Variants in GFRA3 observed in about 807,000 individuals in gnomAD.
GFRA3 encodes GDNF family receptor alpha-3.
A neutral mutation model predicts 40.0 loss-of-function variants in GFRA3; 24 were observed. The observed-to-expected ratio is 0.60, with a 90% CI of 0.43 to 0.84. The LOEUF (loss-of-function observed/expected upper bound fraction) is 0.84. GFRA3 is among the 40% of genes least tolerant of loss of function. The probability of loss-of-function intolerance (pLI) is 0.00; values close to 1 mark genes in which losing one functional copy is unlikely to be tolerated. For missense variants in GFRA3, 405 were observed against 530.6 expected, an observed-to-expected ratio of 0.76 and a Z score of 2.33; for synonymous variants, 203 against 213.5, an observed-to-expected ratio of 0.95 and a Z score of 0.43.
intron 4 of GFRA3, among the ~76,000 whole-genome samples, chr5:138,255,883 G>C (rs1426124767): frequency 1.4e-5 from 2 of 138,492 alleles, no homozygotes; most frequent in African/African-American, 5.4e-5. Context: ...CTGGGTAACA[G>C]AGCAAGACTC....
rs759860244 is a variant in GFRA3 at position 138,274,360 on chromosome 5, G to GGCA, written c.62_64dup (p.Leu21dup). The GGCA allele has an allele frequency of 6.9e-5, 92 of 1,334,892 alleles. No homozygotes were observed. The highest frequency in any genetic ancestry group is 2.0e-4 in the Middle Eastern group (1 of 5,024). 82.7% of individuals were successfully genotyped at this position (1,334,892 alleles called of 1,614,324 possible). ...GGCTGCGAGAGGCAGCGGCGACGGC[G>GGCA]GCAGCAGCAGCAGCAACATCAGGAC... is the stretch of plus-strand genomic sequence containing the variant. On this transcript the variant is annotated inframe_insertion, in exon 1 of 8. Transcript: ENST00000274721.
chr5:138,261,616 C>G (rs1755711188), intron 2 of GFRA3, among the ~76,000 whole-genome samples: 2 of 149,308 alleles, frequency 1.3e-5, no homozygotes, highest in South Asian at 4.3e-4. Flanking sequence ...ATCGCTTGAA[C>G]CCGGGAGGCA....
At chr5:138,260,637 C>T (rs1056938791) in intron 2 of GFRA3, among the ~76,000 whole-genome samples, 9 of 152,176 alleles carry the variant, frequency 5.9e-5, no homozygotes, top group East Asian at 1.9e-4. Flanking sequence ...GGCATGGTGG[C>T]GCATGCCTGT....
chr5:138,258,677 G>A (rs1755670236), intron 3 of GFRA3, among the ~76,000 whole-genome samples: 1 of 152,088 alleles, frequency 6.6e-6, no homozygotes, highest in Non-Finnish European at 1.5e-5. Context: ...AGCACTTTCA[G>A]AACTGTCCAA....
At chr5:138,253,555 C>G (rs749086170) in intron 6 of GFRA3, among the ~76,000 whole-genome samples, 180 bp from the exon 7 acceptor site, 1 of 152,120 alleles carries the variant, frequency 6.6e-6, no homozygotes, top group Non-Finnish European at 1.5e-5. Context: ...TCCCTGGGTT[C>G]CAGACAGGTT....
intron 1 of GFRA3, among the ~76,000 whole-genome samples, chr5:138,265,137 G>C (rs1755764906): frequency 6.6e-6 from 1 of 151,352 alleles, no homozygotes; most frequent in Non-Finnish European, 1.5e-5. Flanking sequence ...CTAGGATTTA[G>C]GGTGCTCAAC....
chr5:138,256,565 A>ACAAACAAAAAAAAAC (rs1561649255), intron 4 of GFRA3, among the ~76,000 whole-genome samples: 1 of 147,022 alleles, frequency 6.8e-6, no homozygotes, highest in African/African-American at 2.5e-5. Flanking sequence ...AAAAAAAAAA[A>ACAAACAAAAAAAAAC]CAAAACAAAA....
At chr5:138,267,949 A>G (rs994705238) in intron 1 of GFRA3, among the ~76,000 whole-genome samples, 1 of 152,210 alleles carries the variant, frequency 6.6e-6, no homozygotes, top group Non-Finnish European at 1.5e-5. Flanking sequence ...TAGGAGAATG[A>G]AACTGGGTCC....
chr5:138,264,617 G>A, intron 1 of GFRA3, 69 bp from the exon 2 acceptor site: 2 of 1,028,138 alleles, frequency 1.9e-6, no homozygotes, highest in East Asian at 2.4e-5. Flanking sequence ...CAAGTCATGA[G>A]GTTGGGAGAG....
chr5:138,267,093 T>C (rs1468939148), intron 1 of GFRA3: 1 of 189,908 alleles, frequency 5.3e-6, no homozygotes, highest in Non-Finnish European at 1.1e-5. Context: ...ACCACATTCA[T>C]CTGAAGGGTA....
Position 138,274,418 on chromosome 5 carries a change from G to A in GFRA3, c.7C>T (p.Arg3Cys). The change falls in exon 1 of 8, where the codon CGC becomes TGC. Residue 3 changes from arginine (R) to cysteine (C), a missense_variant. Coordinates refer to ENST00000274721, the MANE Select transcript of GFRA3 (RefSeq NM_001496.4). MV[R>C]PLNPRPLPPV... ...GGCAGCGGTCGCGGGTTCAGGGGGC[G>A]CACCATGGCGAGCTGTAGGCGCCGG... 1 of 1,308,092 alleles carries A rather than the reference G, an allele frequency of 7.6e-7. No homozygotes were observed. The highest frequency in any genetic ancestry group is 2.3e-5 in the South Asian group (1 of 43,326). The allele number at this position is 1,308,092 out of a possible 1,614,324, so 81.0% of individuals were successfully genotyped here.
chr5:138,269,689 A>G (rs1755838823), intron 1 of GFRA3, among the ~76,000 whole-genome samples: 1 of 151,350 alleles, frequency 6.6e-6, no homozygotes, highest in Admixed American at 6.6e-5. Flanking sequence ...TACAAATACA[A>G]AAAATTAGCT....
chr5:138,261,527 C>T (rs931367249), intron 2 of GFRA3, among the ~76,000 whole-genome samples: 1 of 151,796 alleles, frequency 6.6e-6, no homozygotes, highest in African/African-American at 2.4e-5. Flanking sequence ...AACCCCCTCT[C>T]TACTAAAAAT....
rs751078142 is a variant in GFRA3, at chr5:138,253,024, C to A, written c.1147G>T (p.Val383Leu). ...ENPAVRPQPW[V>L]PSLFSCTLPL... ...AGCGTGCAGGAGAAAAGAGAGGGCACCCAGGGCTGTGGCCTCACAGCAGGG... is the reference window on the plus strand; with the variant it reads ...AGCGTGCAGGAGAAAAGAGAGGGCAACCAGGGCTGTGGCCTCACAGCAGGG... The change falls in exon 8 of 8, where the codon GTG becomes TTG. Residue 383 changes from valine (V) to leucine (L), a missense_variant. Val to Leu is a conservative substitution (Grantham distance 32, BLOSUM62 1). Coordinates refer to ENST00000274721, the MANE Select transcript of GFRA3 (RefSeq NM_001496.4). 1.2e-6 allele frequency: 2 copies of A among 1,608,880 alleles called. No individual in the cohort carries two copies. The highest frequency in any genetic ancestry group is 3.3e-5 in the Admixed American group (2 of 59,986).
At chr5:138,267,703 G>A (rs145735652) in intron 1 of GFRA3, 1 of 166,738 alleles carries the variant, frequency 6.0e-6, no homozygotes, top group African/African-American at 2.4e-5. Flanking sequence ...GTATCCAAGG[G>A]TTCAACCTCA....
At chr5:138,273,098 T>G (rs569397802) in intron 1 of GFRA3, among the ~76,000 whole-genome samples, 1 of 152,288 alleles carries the variant, frequency 6.6e-6, no homozygotes, top group East Asian at 1.9e-4. Context: ...CAGCCTCCTA[T>G]CCACTTCAGA....
At chr5:138,258,258 G>A (rs1755663442) in intron 3 of GFRA3, among the ~76,000 whole-genome samples, 1 of 130,812 alleles carries the variant, frequency 7.6e-6, no homozygotes. Flanking sequence ...TCGGCTCACT[G>A]CAACCTCCGC....
At chr5:138,267,147 T>C (rs1303419039) in intron 1 of GFRA3, 3 of 184,924 alleles carry the variant, frequency 1.6e-5, no homozygotes, top group Non-Finnish European at 3.5e-5. Flanking sequence ...ATCCACCTTA[T>C]GGTATTTTAG....
chr5:138,255,899 CAA>C (rs35650002), intron 4 of GFRA3, among the ~76,000 whole-genome samples: 42 of 107,712 alleles, frequency 3.9e-4, no homozygotes, highest in Admixed American at 8.4e-4. Context: ...GACTCTGTCT[CAA>C]AAAAAAAAAA....
Sources: allele counts gnomAD v4.1 joint callset (sites outside exome capture counted in the v4.1 genomes callset), GRCh38; gene constraint gnomAD v4.1.1; transcripts MANE v1.5; gene names NCBI Gene and HGNC (gene_info 2026-07-23, HGNC 2026-07-21).